Variants in NSUN6 observed in about 807,000 individuals in gnomAD.
The protein encoded by NSUN6 is tRNA (cytosine(72)-C(5))-methyltransferase NSUN6.
A neutral mutation model predicts 58.0 loss-of-function variants in NSUN6; 64 were observed. That is an observed-to-expected ratio of 1.10 (90% confidence interval 0.90 to 1.36). The LOEUF (loss-of-function observed/expected upper bound fraction) is 1.36. Ranked by LOEUF, NSUN6 falls within the 40% of genes most tolerant of loss-of-function variation. NSUN6 has a pLI of 0.00. For synonymous variants in NSUN6, 231 were observed against 193.9 expected (o/e 1.19, Z -1.59); for missense variants, 701 against 550.1 (o/e 1.27, Z -2.74).
intron 6 of NSUN6, among the ~76,000 whole-genome samples, chr10:18,599,466 G>A (rs1049284995): frequency 2.6e-5 from 4 of 152,050 alleles, no homozygotes; most frequent in Admixed American, 6.6e-5. Flanking sequence ...TATAATCACC[G>A]GGTAAGCTTA....
intron 3 of NSUN6, among the ~76,000 whole-genome samples, chr10:18,617,296 T>C (rs1246628125): frequency 6.6e-6 from 1 of 151,216 alleles, no homozygotes; most frequent in African/African-American, 2.4e-5. Flanking sequence ...AAAGTGATTC[T>C]CATGCCTCAG....
intron 8 of NSUN6, among the ~76,000 whole-genome samples, chr10:18,573,282 A>ATCCCATTCCATT (rs1564742632): frequency 6.6e-6 from 1 of 150,888 alleles, no homozygotes; most frequent in East Asian, 2.0e-4. Flanking sequence ...CATTCTGCAT[A>ATCCCATTCCATT]CTCCATCCCA....
In NSUN6 at chr10:18,585,015, GAGAAGGACCTAAC is replaced by G. The variant is rs1478782690; in HGVS notation, c.922+921_922+933del. ...GACCTATTAAAAAAAAAAAAAGAGA[GAGAAGGACCTAAC>G]AGACATACAAATAGCCAACAAGTTT... On this transcript the variant is annotated intron_variant, in intron 8 of 10. Transcript: ENST00000377304. 7.3e-3 allele frequency among the ~76,000 whole-genome samples: 1,054 copies of G among 143,528 alleles called. 11 individuals are homozygous for G. Among genetic ancestry groups the G allele is most frequent in the African/African-American group, 0.026 (1,004 of 39,038 alleles). 94.2% of individuals were successfully genotyped at this position (143,528 alleles called of 152,430 possible).
chr10:18,580,478 G>A (rs1231966827), intron 8 of NSUN6, among the ~76,000 whole-genome samples: 1 of 152,154 alleles, frequency 6.6e-6, no homozygotes, highest in Non-Finnish European at 1.5e-5. Flanking sequence ...CCTTGCACAG[G>A]CTATAATTCC....
chr10:18,566,651 A>C (rs1295840394), intron 8 of NSUN6, among the ~76,000 whole-genome samples: 4 of 146,248 alleles, frequency 2.7e-5, no homozygotes, highest in Non-Finnish European at 4.5e-5. Flanking sequence ...TTCCCATTCC[A>C]TTCTATTCTC....
intron 10 of NSUN6, 103 bp downstream of exon 10, chr10:18,547,993 TTTATTACAGTGTTCAC>T: frequency 1.0e-6 from 1 of 955,904 alleles, no homozygotes; most frequent in Non-Finnish European, 1.6e-6. Flanking sequence ...AGCATTCTTG[TTTATTACAGTGTTCAC>T]TTTGGAAGTT....
Position 18,557,899 on chromosome 10 carries a change from A to G in NSUN6, c.923-5928T>C, listed in dbSNP as rs554322279. Among the ~76,000 whole-genome samples, 6 of 151,822 alleles carry G rather than the reference A, an allele frequency of 4.0e-5. No individual in the cohort carries two copies. The South Asian group carries it at 1.2e-3, about 31-fold the overall frequency. On this transcript the variant is annotated intron_variant, in intron 8 of 10. Transcript: ENST00000377304. The stretch of plus-strand genomic sequence containing the variant: ...TGGAATGGAATGGAATGAAATGAAG[A>G]ATGGAATGGAGAATGGTGTGGAATG...
chr10:18,554,836 G>A (rs1003138852), intron 8 of NSUN6, among the ~76,000 whole-genome samples: 16 of 150,744 alleles, frequency 1.1e-4, no homozygotes, highest in African/African-American at 3.6e-4. Context: ...AATGGAAAAC[G>A]GCATGGAATG....
upstream of NSUN6, among the ~76,000 whole-genome samples, chr10:18,657,061 C>G (rs773595576): frequency 5.3e-5 from 8 of 152,146 alleles, no homozygotes; most frequent in Non-Finnish European, 1.2e-4. Flanking sequence ...TTCCTGGGCT[C>G]AAGTAATCCA....
intron 8 of NSUN6, among the ~76,000 whole-genome samples, chr10:18,582,558 C>T (rs1211072806): frequency 6.6e-6 from 1 of 152,158 alleles, no homozygotes; most frequent in East Asian, 1.9e-4. Flanking sequence ...ACCTCAAAGA[C>T]TATTCAGAAA....
chr10:18,585,611 C>T (rs1021252702), intron 8 of NSUN6, among the ~76,000 whole-genome samples: 6 of 152,088 alleles, frequency 3.9e-5, no homozygotes, highest in African/African-American at 1.2e-4. Flanking sequence ...AAAAGTCAAA[C>T]TCATAGAAAG....
chr10:18,607,522 A>T (rs1292000884), intron 6 of NSUN6, among the ~76,000 whole-genome samples: 1 of 152,226 alleles, frequency 6.6e-6, no homozygotes, highest in Non-Finnish European at 1.5e-5. Flanking sequence ...ATAACACAAA[A>T]AGATCAACTA....
At chr10:18,653,807 T>C (rs2059747456), upstream of NSUN6, among the ~76,000 whole-genome samples, 1 of 152,224 alleles carries the variant, frequency 6.6e-6, no homozygotes, top group Non-Finnish European at 1.5e-5. Flanking sequence ...ATGTGCTATG[T>C]AAGCAAAGGA....
chr10:18,595,100 A>G (rs2057533909), intron 7 of NSUN6, among the ~76,000 whole-genome samples: 1 of 152,172 alleles, frequency 6.6e-6, no homozygotes, highest in Non-Finnish European at 1.5e-5. Context: ...AGATGAGCCA[A>G]CAACCATCCA....
chr10:18,632,815 C>A (rs191139922), intron 3 of NSUN6, among the ~76,000 whole-genome samples: 2,179 of 152,228 alleles, frequency 0.014, 25 homozygotes, highest in African/African-American at 0.023. Flanking sequence ...GTGGGACTGT[C>A]AACTAGTTCA....
chr10:18,596,930 G>A (rs996949255), intron 6 of NSUN6, among the ~76,000 whole-genome samples: 5 of 151,972 alleles, frequency 3.3e-5, no homozygotes, highest in South Asian at 2.1e-4. Context: ...TGCCATTTTG[G>A]CCGCCTCATC....
At chr10:18,565,801 C>A (rs1039542823) in intron 8 of NSUN6, among the ~76,000 whole-genome samples, 3 of 150,420 alleles carry the variant, frequency 2.0e-5, no homozygotes, top group Admixed American at 6.7e-5. Flanking sequence ...CACTCCATTC[C>A]TTTCTCCACT....
intron 8 of NSUN6, among the ~76,000 whole-genome samples, chr10:18,558,046 GGAATGGAATGCA>G (rs1206210863): frequency 6.6e-6 from 1 of 151,284 alleles, no homozygotes; most frequent in Non-Finnish European, 1.5e-5. Context: ...AGAATGGAAT[GGAATGGAATGCA>G]GAATGGAATA....
intron 3 of NSUN6, 80 bp from the exon 4 acceptor site, chr10:18,616,373 C>T: frequency 1.3e-6 from 1 of 799,484 alleles, no homozygotes; most frequent in Non-Finnish European, 2.2e-6. Flanking sequence ...TATCTGAACT[C>T]TAATGCCTCT....
Sources: gnomAD v4.1 joint callset for allele counts (sites outside exome capture counted in the v4.1 genomes callset) on GRCh38, gnomAD v4.1.1 for gene constraint, MANE v1.5 for transcripts, NCBI Gene and HGNC (gene_info 2026-07-23, HGNC 2026-07-21) for gene names.